The following DNM3 variants were observed in gnomAD, a reference collection of about 807,000 sequenced individuals.
The protein encoded by DNM3 is dynamin 3, also known as dynamin-3.
Under a neutral mutation model 101.6 loss-of-function variants are expected in DNM3, and 47 were observed. The ratio of observed to expected loss-of-function variants is 0.46; its 90% confidence interval spans 0.37 to 0.59. DNM3 has a LOEUF of 0.59. Among genes scored for constraint, DNM3 ranks in the 20% least tolerant of loss-of-function variants. The pLI is 0.00. For synonymous variants in DNM3, 385 were observed against 387.9 expected (o/e 0.99, Z 0.09); for missense variants, 849 against 1,085.7 (o/e 0.78, Z 3.06).
chr1:172,133,051 C>T, intron 14 of DNM3: 3 of 1,475,210 alleles, frequency 2.0e-6, no homozygotes, highest in East Asian at 2.5e-5. Context: ...AAGCCAACCT[C>T]ATCCCACAGA....
intron 14 of DNM3, among the ~76,000 whole-genome samples, chr1:172,191,996 T>C (rs1043664037): frequency 3.9e-5 from 6 of 152,194 alleles, no homozygotes; most frequent in Non-Finnish European, 8.8e-5. Flanking sequence ...TTCTTTCTCC[T>C]GCCTGATTGC....
At chr1:171,985,691 C>T (rs1435432138) in intron 2 of DNM3, among the ~76,000 whole-genome samples, 2 of 152,210 alleles carry the variant, frequency 1.3e-5, no homozygotes, top group Non-Finnish European at 2.9e-5. Context: ...TTAAATCCGT[C>T]TCTGATTCTC....
intron 17 of DNM3, among the ~76,000 whole-genome samples, chr1:172,365,402 T>A (rs926202443): frequency 2.0e-5 from 3 of 151,932 alleles, no homozygotes; most frequent in African/African-American, 4.8e-5. Context: ...TTACATATAT[T>A]TAAAATTTCT....
chr1:172,143,913 A>G (rs564027966), intron 14 of DNM3, among the ~76,000 whole-genome samples: 5 of 152,124 alleles, frequency 3.3e-5, no homozygotes, highest in Non-Finnish European at 5.9e-5. Context: ...TGTTTATATT[A>G]CAGAAGGAAA....
Position 172,007,371 on chromosome 1 carries a change from T to C in DNM3, c.589+18223T>C, listed in dbSNP as rs185180248. Among the ~76,000 whole-genome samples, 64 of 152,268 alleles carry C rather than the reference T, an allele frequency of 4.2e-4. 1 individual carries two copies. Among genetic ancestry groups the C allele is most frequent in the Middle Eastern group, 3.4e-3 (1 of 294 alleles). Reference sequence around the variant, plus strand: ...GAGGCAGCATTGATGTGCATGTCTCTGAGTGTCATCTTAGCGGTGATGCTG... The same window carrying C: ...GAGGCAGCATTGATGTGCATGTCTCCGAGTGTCATCTTAGCGGTGATGCTG... On this transcript the variant is annotated intron_variant, in intron 4 of 20. Coordinates refer to ENST00000627582, the MANE Select transcript of DNM3 (RefSeq NM_015569.5).
At chr1:171,935,110 T>C (rs1204266199) in intron 2 of DNM3, among the ~76,000 whole-genome samples, 1 of 152,088 alleles carries the variant, frequency 6.6e-6, no homozygotes, top group African/African-American at 2.4e-5. Flanking sequence ...ATTTGCAGAA[T>C]ATATTGTATA....
intron 17 of DNM3, among the ~76,000 whole-genome samples, chr1:172,333,672 C>G (rs1380583307): frequency 6.6e-6 from 1 of 151,938 alleles, no homozygotes; most frequent in African/African-American, 2.4e-5. Context: ...TATGCAGAAT[C>G]TAGTAAACAA....
chr1:172,155,475 G>C (rs2058301756), intron 14 of DNM3, among the ~76,000 whole-genome samples: 2 of 152,024 alleles, frequency 1.3e-5, no homozygotes, highest in South Asian at 4.1e-4. Flanking sequence ...GTGCTTGTTT[G>C]TATTTTTGTT....
chr1:172,283,776 A>G (rs200776487), intron 15 of DNM3, among the ~76,000 whole-genome samples: 12 of 105,322 alleles, frequency 1.1e-4, no homozygotes, highest in East Asian at 6.6e-4. Flanking sequence ...AAAAAAAAAA[A>G]AAAAAAAGAA....
chr1:172,285,246 C>T (rs1168177306), intron 15 of DNM3, among the ~76,000 whole-genome samples: 1 of 152,154 alleles, frequency 6.6e-6, no homozygotes, highest in Non-Finnish European at 1.5e-5. Context: ...TGTCAGTTCA[C>T]CTGAAACAGC....
At chr1:171,909,383 C>T (rs900898988) in intron 1 of DNM3, among the ~76,000 whole-genome samples, 8 of 149,812 alleles carry the variant, frequency 5.3e-5, no homozygotes, top group South Asian at 2.1e-4. Context: ...CAGTGAGCCG[C>T]GCCGAGATTG....
At chr1:171,853,980 C>G (rs560252441) in intron 1 of DNM3, among the ~76,000 whole-genome samples, 2 of 152,270 alleles carry the variant, frequency 1.3e-5, no homozygotes, top group Admixed American at 1.3e-4. Flanking sequence ...ATGGCAATTT[C>G]TGATGACTTA....
At position 172,379,089 on chromosome 1, in the gene DNM3, C is replaced by G; in HGVS notation, c.1965C>G (p.Thr655=). 2 of 1,612,304 alleles carry G rather than the reference C, an allele frequency of 1.2e-6. No individual in the cohort carries two copies. The highest frequency in any genetic ancestry group is 1.7e-6 in the Non-Finnish European group (2 of 1,179,010). Residue 655 remains threonine, a synonymous_variant, in exon 18 of 21, where the codon ACC becomes ACG. Coordinates refer to ENST00000627582, the MANE Select transcript of DNM3 (RefSeq NM_015569.5). ...CACAATTGGAGAGGCAAGTGGAGAC[C>G]ATTCGCAACCTCGTAGACTCCTACA... The part of the protein sequence containing the change: ...MDPQLERQVE[T]IRNLVDSYMS...
intron 11 of DNM3, among the ~76,000 whole-genome samples, chr1:172,071,113 A>C (rs982840063): frequency 3.7e-5 from 5 of 136,052 alleles, no homozygotes; most frequent in African/African-American, 8.7e-5. Context: ...ATATATATAT[A>C]TATATATCTT....
chr1:172,256,038 A>AAACT (rs2062383931), intron 15 of DNM3, among the ~76,000 whole-genome samples: 1 of 152,134 alleles, frequency 6.6e-6, no homozygotes, highest in Non-Finnish European at 1.5e-5. Context: ...TTCTGATGTT[A>AAACT]AACCATCCTT....
chr1:172,020,830 C>G (rs142136785), intron 4 of DNM3, among the ~76,000 whole-genome samples: 2,604 of 150,676 alleles, frequency 0.017, 41 homozygotes, highest in South Asian at 0.037. Flanking sequence ...CTTTAATTTA[C>G]TGCGAGAATT....
intron 13 of DNM3, among the ~76,000 whole-genome samples, chr1:172,102,010 C>T (rs2054680732): frequency 6.6e-6 from 1 of 152,084 alleles, no homozygotes; most frequent in African/African-American, 2.4e-5. Context: ...AGATGTGTGC[C>T]ACCACGCCTG....
chr1:172,270,566 C>G (rs1302276094), intron 15 of DNM3, among the ~76,000 whole-genome samples: 3 of 152,066 alleles, frequency 2.0e-5, no homozygotes, highest in Non-Finnish European at 1.5e-5. Flanking sequence ...TATTATTCTG[C>G]TTCAACTTGC....
At chr1:172,009,133 TTATATTATA>T (rs991425956) in intron 4 of DNM3, among the ~76,000 whole-genome samples, 2 of 138,480 alleles carry the variant, frequency 1.4e-5, no homozygotes, top group Admixed American at 7.9e-5. Flanking sequence ...ATATATATAT[TTATATTATA>T]TATATTATAT....
Sources: gnomAD v4.1 joint callset for allele counts (sites outside exome capture counted in the v4.1 genomes callset) on GRCh38, gnomAD v4.1.1 for gene constraint, MANE v1.5 for transcripts, NCBI Gene and HGNC (gene_info 2026-07-23, HGNC 2026-07-21) for gene names.